Variants in RNF19A observed in about 807,000 individuals in gnomAD.
RNF19A encodes ring finger protein 19A, RBR E3 ubiquitin protein ligase.
In RNF19A, 32 loss-of-function variants were observed where a neutral mutation model predicts 75.7. That is an observed-to-expected ratio of 0.42 (90% CI 0.32 to 0.57). The LOEUF (loss-of-function observed/expected upper bound fraction) is 0.57, where lower values mean the gene tolerates loss of function less well. Among genes scored for constraint, RNF19A ranks in the 20% least tolerant of loss-of-function variants. The pLI is 0.10. For synonymous variants in RNF19A, 335 were observed against 345.2 expected, an observed-to-expected ratio of 0.97 and a Z score of 0.33; for missense variants, 782 against 1,036.3, an observed-to-expected ratio of 0.75 and a Z score of 3.37.
rs983977036 is a variant in RNF19A, at chr8:100,331,077, T to G, written c.-243+5031A>C. ...CACTTTTCTACCCTTTAGGTTAGAATCCTAATCTCCTATCTAACACATTTA... is the reference window on the plus strand; with the variant it reads ...CACTTTTCTACCCTTTAGGTTAGAAGCCTAATCTCCTATCTAACACATTTA... On this transcript the variant is annotated intron_variant, in intron 1 of 3. Coordinates refer to the RNF19A transcript ENST00000519527. This position sits in a 1 kb window ranked among gnomAD's most constrained non-coding sequence, Gnocchi z 5.2. Among the ~76,000 whole-genome samples the G allele has an allele frequency of 2.0e-5, 3 of 152,230 alleles. No homozygotes were observed. The highest frequency in any genetic ancestry group is 7.2e-5 in the African/African-American group (3 of 41,462).
chr8:100,309,495 A>C, intron 1 of RNF19A: 1 of 985,530 alleles, frequency 1.0e-6, no homozygotes, highest in Non-Finnish European at 1.2e-6. Flanking sequence ...GGCAGGAGAC[A>C]GCTCGAGGGG....
At chr8:100,297,989 G>A (rs1821649211) in intron 1 of RNF19A, among the ~76,000 whole-genome samples, 1 of 152,130 alleles carries the variant, frequency 6.6e-6, no homozygotes, top group Non-Finnish European at 1.5e-5. Flanking sequence ...TTAACTATGT[G>A]ACATTGGGTT....
At position 100,323,734 on chromosome 8, in the gene RNF19A, A is replaced by G. The variant is rs1436060662; in HGVS notation, c.-242-10362T>C. Among the ~76,000 whole-genome samples, 5 of 152,224 alleles carry G rather than the reference A, an allele frequency of 3.3e-5. No homozygotes were observed. Among genetic ancestry groups the G allele is most frequent in the Non-Finnish European group, 7.3e-5 (5 of 68,032 alleles). ...GATATGAAAAGATAGGCAAGAGATGACATATAATAACTTGAACATATCAGC... is the reference window on the plus strand; with the variant it reads ...GATATGAAAAGATAGGCAAGAGATGGCATATAATAACTTGAACATATCAGC... On this transcript the variant is annotated intron_variant, in intron 1 of 3. Transcript: ENST00000519527. This position sits in a 1 kb window ranked among gnomAD's most constrained non-coding sequence, Gnocchi z 4.6.
Position 100,264,913 on chromosome 8 carries a change from A to G in RNF19A, c.1192-128T>C. On this transcript the variant is annotated intron_variant, in intron 5 of 9. Transcript: ENST00000341084. The surrounding 1 kb of genome is among the most constrained non-coding windows in gnomAD (Gnocchi z 4.7). Reference sequence around the variant, plus strand: ...GTTCGTAGCTGAGTATCTTAGTTCAAGGTAAACCTACTAGTGTCCTTAAAC... The same window carrying G: ...GTTCGTAGCTGAGTATCTTAGTTCAGGGTAAACCTACTAGTGTCCTTAAAC... The G allele has an allele frequency of 3.0e-6, 2 of 662,204 alleles. No individual in the cohort carries two copies. Among genetic ancestry groups the G allele is most frequent in the Non-Finnish European group, 5.3e-6 (2 of 379,610 alleles). The allele number at this position is 662,204 out of a possible 1,614,324, so 41.0% of individuals were successfully genotyped here.
rs1819627094 is a variant in RNF19A, at chr8:100,259,795, T to C, written c.1826+59A>G. ...TTTTCACTGGTAATTTGTCTAATGA[T>C]AGGAATTATTCCTTTAATTTAAAAA... On this transcript the variant is annotated intron_variant, in intron 9 of 9. Coordinates refer to ENST00000341084, the MANE Select transcript of RNF19A (RefSeq NM_183419.4). The surrounding 1 kb of genome is among the most constrained non-coding windows in gnomAD (Gnocchi z 4.5). The C allele has an allele frequency of 6.9e-7, 1 of 1,442,826 alleles. No homozygotes were observed. The highest frequency in any genetic ancestry group is 9.5e-7 in the Non-Finnish European group (1 of 1,053,102). 89.4% of individuals were successfully genotyped at this position (1,442,826 alleles called of 1,614,324 possible). A position where few individuals can be genotyped will look rare whatever the true frequency, so the allele number is the denominator to read the frequency against.
In RNF19A at chr8:100,323,005, C is replaced by T. The variant is rs866877766; in HGVS notation, c.-242-9633G>A. Among the ~76,000 whole-genome samples, 38 of 152,000 alleles carry T rather than the reference C, an allele frequency of 2.5e-4. No individual in the cohort carries two copies. Among genetic ancestry groups the T allele is most frequent in the African/African-American group, 8.2e-4 (34 of 41,372 alleles). On this transcript the variant is annotated intron_variant, in intron 1 of 3. Transcript: ENST00000519527. This position sits in a 1 kb window ranked among gnomAD's most constrained non-coding sequence, Gnocchi z 4.6. ...AAATATTGTGAGAACTACCAAAATA[C>T]GACACAGAGGCATGAAATGAGCACA...
chr8:100,311,716 T>C (rs544100081), upstream of RNF19A, among the ~76,000 whole-genome samples: 1 of 13,398 alleles, frequency 7.5e-5, no homozygotes, highest in East Asian at 1.1e-3. Context: ...AGACTCCGTC[T>C]CAAAAAAAAA....
At position 100,327,226 on chromosome 8, in the gene RNF19A, T is replaced by TAAAATTCAGC. The variant is rs1314676829; in HGVS notation, c.-243+8872_-243+8881dup. 1.7e-4 allele frequency among the ~76,000 whole-genome samples: 25 copies of TAAAATTCAGC among 147,766 alleles called. No individual in the cohort carries two copies. In the East Asian group the frequency reaches 4.3e-3, roughly 26 times the overall value. ...GTGTTTGAGTATCTAGGAATTCTTA[T>TAAAATTCAGC]AAAATTCAGCAATTACTTCTTTTTT... On this transcript the variant is annotated intron_variant, in intron 1 of 3. Transcript: ENST00000519527.
At chr8:100,288,713 G>A (rs924338601) in intron 1 of RNF19A, among the ~76,000 whole-genome samples, 5 of 152,162 alleles carry the variant, frequency 3.3e-5, no homozygotes, top group Admixed American at 1.3e-4. Flanking sequence ...AACATAGTGT[G>A]CTATGCCACA....
rs1357239646 is a variant in RNF19A at position 100,269,044 on chromosome 8, T to C, written c.1029-97A>G. On this transcript the variant is annotated intron_variant, in intron 4 of 9. Transcript: ENST00000341084. The surrounding 1 kb of genome is among the most constrained non-coding windows in gnomAD (Gnocchi z 5.7). ...AACAATGACTATTTTTAAAAACTTC[T>C]CATAGTTAGGAGCTTTTTTCCCCTT... 6 of 928,842 alleles carry C rather than the reference T, an allele frequency of 6.5e-6. No individual in the cohort carries two copies. The highest frequency in any genetic ancestry group is 1.7e-5 in the African/African-American group (1 of 58,580). The allele number at this position is 928,842 out of a possible 1,614,324, so 57.5% of individuals were successfully genotyped here.
At chr8:100,298,332 T>C (rs1304639957) in intron 1 of RNF19A, among the ~76,000 whole-genome samples, 1 of 151,906 alleles carries the variant, frequency 6.6e-6, no homozygotes, top group Non-Finnish European at 1.5e-5. Flanking sequence ...TTCTCAAAGG[T>C]AAATTATATA....
chr8:100,280,179 G>C lies in RNF19A; in HGVS notation c.675-5018C>G, dbSNP rs1418257827. On this transcript the variant is annotated intron_variant, in intron 2 of 9. Transcript: ENST00000341084. ...TTCAGTGCCCGGCCCTTGATTGCTA[G>C]TTTTTAAAAATTAACTAAAAATTTC... 3.3e-5 allele frequency among the ~76,000 whole-genome samples: 5 copies of C among 152,140 alleles called. No individual in the cohort carries two copies. In the East Asian group the frequency reaches 5.8e-4, roughly 18 times the overall value.
Position 100,260,137 on chromosome 8 carries a change from AT to A in RNF19A, c.1683-141del. The stretch of plus-strand genomic sequence containing the variant: ...ATTATTTTTTATTTCCTTTTATTTA[AT>A]TTAAATTCTACTGCAGCACACTGCA... On this transcript the variant is annotated intron_variant, in intron 8 of 9. Transcript: ENST00000341084. This position sits in a 1 kb window ranked among gnomAD's most constrained non-coding sequence, Gnocchi z 4.1. 1.4e-6 allele frequency: 1 copy of A among 729,828 alleles called. No individual in the cohort carries two copies. Among genetic ancestry groups the A allele is most frequent in the East Asian group, 2.7e-5 (1 of 36,552 alleles). The allele number at this position is 729,828 out of a possible 1,614,324, so 45.2% of individuals were successfully genotyped here.
intron 2 of RNF19A, among the ~76,000 whole-genome samples, chr8:100,277,037 CA>C (rs1371181847): frequency 6.6e-6 from 1 of 151,786 alleles, no homozygotes; most frequent in Non-Finnish European, 1.5e-5. Flanking sequence ...GTGAATCTAC[CA>C]TTACCTCTAT....
chr8:100,306,453 C>G (rs1486939580), intron 1 of RNF19A, among the ~76,000 whole-genome samples: 2 of 151,926 alleles, frequency 1.3e-5, no homozygotes, highest in Non-Finnish European at 2.9e-5. Flanking sequence ...GATAAGACTA[C>G]ATAATGGTTT....
chr8:100,268,712 ATCATCAATACT>A, intron 5 of RNF19A, 62 bp downstream of exon 5: 25 of 1,012,744 alleles, frequency 2.5e-5, no homozygotes, highest in South Asian at 6.4e-5. Flanking sequence ...AAACCCAAAA[ATCATCAATACT>A]AAAAGAATAC....
At position 100,268,896 on chromosome 8, in the gene RNF19A, T is replaced by A. The variant is rs767173476; in HGVS notation, c.1080A>T (p.Lys360Asn). ...CCAGTGTTCCCAGTTGCCACAATATTTTCTTCTTTCGGCTCCAGGGTTTCT... is the reference window on the plus strand; with the variant it reads ...CCAGTGTTCCCAGTTGCCACAATATATTCTTCTTTCGGCTCCAGGGTTTCT... ...WGKKPWSRKKKILWQLGTLVG... is the reference protein window; with the variant it reads ...WGKKPWSRKKNILWQLGTLVG... The change falls in exon 5 of 10, where the codon AAA (lysine) becomes AAT (asparagine). Residue 360 changes from lysine (K) to asparagine (N), a missense_variant. By Grantham distance (94) the Lys-to-Asn change is moderately conservative (BLOSUM62 0). This residue lies in a region of RNF19A where 41 missense variants were observed against 75.9 expected (regional missense o/e 0.54). Transcript: ENST00000341084. 6.2e-7 allele frequency: 1 copy of A among 1,602,658 alleles called. No homozygotes were observed.
chr8:100,258,213 A>G lies in RNF19A; in HGVS notation c.*343T>C, dbSNP rs1819541005. 2 of 410,328 alleles carry G rather than the reference A, an allele frequency of 4.9e-6. No individual in the cohort carries two copies. Among genetic ancestry groups the G allele is most frequent in the Non-Finnish European group, 8.6e-6 (2 of 233,468 alleles). The allele number at this position is 410,328 out of a possible 1,614,324, so 25.4% of individuals were successfully genotyped here. On this transcript the variant is annotated 3_prime_UTR_variant, in exon 10 of 10. Transcript: ENST00000341084. This position sits in a 1 kb window ranked among gnomAD's most constrained non-coding sequence, Gnocchi z 4.3. ...AAAGCCTCAAGTTTTCTTCATTTGA[A>G]TGCTGTAGAATTGCATTAGTATTTT...
intron 1 of RNF19A, among the ~76,000 whole-genome samples, chr8:100,308,527 T>C (rs1411044575): frequency 6.6e-6 from 1 of 152,166 alleles, no homozygotes; most frequent in Non-Finnish European, 1.5e-5. Context: ...GGTAATGGCT[T>C]GCATTATAAA....
Sources: allele counts gnomAD v4.1 joint callset (sites outside exome capture counted in the v4.1 genomes callset), GRCh38; gene constraint gnomAD v4.1.1; regional missense constraint gnomAD v4.1.1; non-coding constraint Gnocchi (gnomAD v3.1); transcripts MANE v1.5; gene names NCBI Gene and HGNC (gene_info 2026-07-23, HGNC 2026-07-21).